Variants in KCNN3 observed in about 807,000 individuals in gnomAD.
The protein encoded by KCNN3 is small conductance calcium-activated potassium channel protein 3.
KCNN3 carries 16 observed loss-of-function variants against 62.9 expected under a neutral mutation model. The observed-to-expected ratio is 0.25, with a 90% confidence interval of 0.17 to 0.39. KCNN3 has a LOEUF of 0.39. KCNN3 is among the 10% of genes least tolerant of loss of function. The pLI, the probability that KCNN3 is intolerant of heterozygous loss-of-function variation, is 1.00. For missense variants in KCNN3, 599 were observed against 949.4 expected (o/e 0.63, Z 4.85); for synonymous variants, 370 against 389.2 (o/e 0.95, Z 0.58).
intron 3 of KCNN3, among the ~76,000 whole-genome samples, chr1:154,752,745 G>A (rs1647437326): frequency 6.6e-6 from 1 of 152,172 alleles, no homozygotes; most frequent in Non-Finnish European, 1.5e-5. Flanking sequence ...CCCCCTGCTG[G>A]GGGCGAGGCA....
chr1:154,748,913 A>C (rs1400454260), intron 3 of KCNN3, among the ~76,000 whole-genome samples: 1 of 152,222 alleles, frequency 6.6e-6, no homozygotes, highest in Non-Finnish European at 1.5e-5. Context: ...CTTGCACAAA[A>C]TAAAACATCA....
chr1:154,801,167 G>A (rs1047918294), intron 2 of KCNN3, among the ~76,000 whole-genome samples: 3 of 152,146 alleles, frequency 2.0e-5, no homozygotes, highest in Admixed American at 6.5e-5. Context: ...CAACACAGGA[G>A]GCCGTTCAAT....
chr1:154,785,101 G>A (rs1649222296), intron 2 of KCNN3, among the ~76,000 whole-genome samples: 1 of 152,142 alleles, frequency 6.6e-6, no homozygotes, highest in South Asian at 2.1e-4. Context: ...CTAAGTCTGG[G>A]GTAAGAGGTA....
rs899805592 is a variant in KCNN3 at position 154,708,334 on chromosome 1, A to G, written c.1900-62T>C. 46 of 1,541,092 alleles carry G rather than the reference A, an allele frequency of 3.0e-5. No individual in the cohort carries two copies. In the East Asian group the frequency reaches 7.0e-4, roughly 23 times the overall value. On this transcript the variant is annotated intron_variant, in intron 7 of 7. Transcript: ENST00000271915. ...ACAGGTCATCACAGAGGAATCTGCA[A>G]TGGGAGAAATGAAACGCCCTCCACA...
chr1:154,839,972 G>C (rs1651760729), intron 1 of KCNN3, among the ~76,000 whole-genome samples: 1 of 152,196 alleles, frequency 6.6e-6, no homozygotes, highest in Admixed American at 6.5e-5. Flanking sequence ...CTGGGGGGAG[G>C]GGCACAGGGA....
Position 154,785,950 on chromosome 1 carries a change from A to G in KCNN3, c.1030-13557T>C, listed in dbSNP as rs187162375. Among the ~76,000 whole-genome samples, 125 of 152,270 alleles carry G rather than the reference A, an allele frequency of 8.2e-4. 1 individual carries two copies. Among genetic ancestry groups the G allele is most frequent in the Non-Finnish European group, 2.8e-4 (19 of 68,014 alleles). On this transcript the variant is annotated intron_variant, in intron 2 of 7. Transcript: ENST00000271915. ...ACTCTTTGAGTCTCACAATAGCCCC[A>G]TAAGAAAAGTGAACATCCCCCAGAC...
At chr1:154,800,353 G>A (rs994314574) in intron 2 of KCNN3, among the ~76,000 whole-genome samples, 3 of 152,192 alleles carry the variant, frequency 2.0e-5, no homozygotes, top group Non-Finnish European at 1.5e-5. Flanking sequence ...CTCCTGTGCT[G>A]ATATTGGTAC....
chr1:154,722,744 T>C, intron 5 of KCNN3, among the ~76,000 whole-genome samples: 1 of 146,062 alleles, frequency 6.8e-6, no homozygotes, highest in East Asian at 2.0e-4. Context: ...TTTTTTTTTC[T>C]TTTTTTTGAC....
intron 4 of KCNN3, among the ~76,000 whole-genome samples, chr1:154,726,501 A>G (rs1195042324): frequency 1.3e-5 from 2 of 152,200 alleles, no homozygotes; most frequent in Non-Finnish European, 2.9e-5. Flanking sequence ...CAGATGGAAC[A>G]CCTGCCAGTG....
chr1:154,742,534 C>T (rs913710766), intron 3 of KCNN3, among the ~76,000 whole-genome samples: 2 of 151,882 alleles, frequency 1.3e-5, no homozygotes, highest in Admixed American at 6.6e-5. Context: ...AGAGCAGTGC[C>T]GGGCACATAG....
intron 1 of KCNN3, among the ~76,000 whole-genome samples, chr1:154,845,289 C>T (rs1652007544): frequency 6.6e-6 from 1 of 152,200 alleles, no homozygotes; most frequent in South Asian, 2.1e-4. Flanking sequence ...CTGTATCCTG[C>T]CAACTCCTCA....
At chr1:154,788,195 C>T (rs1571276708) in intron 2 of KCNN3, among the ~76,000 whole-genome samples, 1 of 152,212 alleles carries the variant, frequency 6.6e-6, no homozygotes, top group Non-Finnish European at 1.5e-5. Context: ...TGAGGTCAGG[C>T]AAACAGGCCC....
intron 1 of KCNN3, among the ~76,000 whole-genome samples, chr1:154,858,732 G>A (rs1383982292): frequency 6.7e-6 from 1 of 148,496 alleles, no homozygotes; most frequent in African/African-American, 2.5e-5. Context: ...GACAAGTCAT[G>A]TAACTTTTTT....
chr1:154,789,889 TTTTG>T (rs150262043), intron 2 of KCNN3, among the ~76,000 whole-genome samples: 65,512 of 150,724 alleles, frequency 0.43, 14,845 homozygotes, highest in Middle Eastern at 0.58. Context: ...TGCTTGCTTT[TTTTG>T]TTTGTTTGTT....
At position 154,699,621 on chromosome 1, in the gene KCNN3, T is replaced by G. The variant is rs1042688338; in HGVS notation, c.*8355A>C. 2.0e-5 allele frequency: 3 copies of G among 151,960 alleles called. No homozygotes were observed. Among genetic ancestry groups the G allele is most frequent in the African/African-American group, 7.3e-5 (3 of 41,364 alleles). 9.4% of individuals were successfully genotyped at this position (151,960 alleles called of 1,614,324 possible). A position where few individuals can be genotyped will look rare whatever the true frequency, so the allele number is the denominator to read the frequency against. ...ACGTCTTTCCTTGCCCACCTTGGAG[T>G]GTTTCTTGTTGGTGCAATGAGTAAG... On this transcript the variant is annotated 3_prime_UTR_variant, in exon 8 of 8. Coordinates refer to ENST00000271915, the MANE Select transcript of KCNN3 (RefSeq NM_002249.6).
At chr1:154,826,621 G>T (rs548062644) in intron 1 of KCNN3, among the ~76,000 whole-genome samples, 1 of 151,604 alleles carries the variant, frequency 6.6e-6, no homozygotes, top group Non-Finnish European at 1.5e-5. Context: ...TATCTGCAGC[G>T]AGGCTTCTTA....
chr1:154,758,260 G>A lies in KCNN3; in HGVS notation c.1448+13715C>T, dbSNP rs543895755. ...AAGTACAAGTGCAAGGTTAATGGTA[G>A]AACCAGGGGTCAAACCGAGTTTTTC... On this transcript the variant is annotated intron_variant, in intron 3 of 7. Transcript: ENST00000271915. Among the ~76,000 whole-genome samples the A allele has an allele frequency of 3.9e-5, 6 of 152,344 alleles. No individual in the cohort carries two copies. In the East Asian group the frequency reaches 1.2e-3, roughly 29 times the overall value.
chr1:154,782,133 G>A (rs2101851655), intron 2 of KCNN3, among the ~76,000 whole-genome samples: 1 of 152,322 alleles, frequency 6.6e-6, no homozygotes, highest in South Asian at 2.1e-4. Context: ...ATGATACCAG[G>A]TGAGACCAAG....
At chr1:154,771,010 C>T (rs1196016029) in intron 3 of KCNN3, among the ~76,000 whole-genome samples, 2 of 151,506 alleles carry the variant, frequency 1.3e-5, no homozygotes, top group African/African-American at 2.4e-5. Context: ...TGAGCAGAGA[C>T]TATGCCACTG....
Sources: allele counts gnomAD v4.1 joint callset (sites outside exome capture counted in the v4.1 genomes callset), GRCh38; gene constraint gnomAD v4.1.1; transcripts MANE v1.5; gene names NCBI Gene and HGNC (gene_info 2026-07-23, HGNC 2026-07-21).